The following MYO15B variants were observed in gnomAD, a reference collection of about 807,000 sequenced individuals.
The protein encoded by MYO15B is myosin XVB pseudogene.
MYO15B carries 207 observed loss-of-function variants against 119.3 expected under a neutral mutation model. The observed-to-expected ratio is 1.73, with a 90% CI of 1.55 to 1.95. The LOEUF (loss-of-function observed/expected upper bound fraction) is 1.95. Among genes scored for constraint, MYO15B ranks in the 30% most tolerant of loss-of-function variants. The pLI is 0.00. For missense variants in MYO15B, 2,264 were observed against 1,203.1 expected (o/e 1.88, Z -13.04); for synonymous variants, 966 against 498.9 (o/e 1.94, Z -12.48).
At chr17:75,626,057 G>A (rs1305212597) in intron 62 of MYO15B, 31 bp from the exon 63 acceptor site, 1 of 699,436 alleles carries the variant, frequency 1.4e-6, no homozygotes. Flanking sequence ...TCCCCGGAGA[G>A]GAGACCAGCC....
chr17:75,616,854 C>A lies in MYO15B; in HGVS notation c.6507-20C>A, dbSNP rs1465424003. On this transcript the variant is annotated intron_variant, in intron 39 of 63. Transcript: ENST00000645453. ...GGGAATCACCCTATGAACTTAGTGA[C>A]CTCTTGCTTCTCCCACGAGGCCTCC... The A allele has an allele frequency of 1.4e-6, 1 of 703,056 alleles. No homozygotes were observed. The highest frequency in any genetic ancestry group is 2.6e-6 in the Non-Finnish European group (1 of 385,016). The allele number at this position is 703,056 out of a possible 1,614,324, so 43.6% of individuals were successfully genotyped here.
intron 14 of MYO15B, among the ~76,000 whole-genome samples, chr17:75,598,060 A>G (rs2056984728): frequency 1.3e-5 from 2 of 152,100 alleles, no homozygotes; most frequent in South Asian, 4.1e-4. Flanking sequence ...AATGTGGAGC[A>G]GGAGTTTCTG....
At chr17:75,588,320 C>T (rs1009061669) in exon 1 of MYO15B, 22 of 398,284 alleles carry the variant, frequency 5.5e-5, no homozygotes, top group African/African-American at 3.9e-4. Context: ...TCCCCGAAAG[C>T]CCAGGAGAGG....
Position 75,616,854 on chromosome 17 carries a change from C to T in MYO15B, c.6507-20C>T. The T allele has an allele frequency of 1.4e-6, 1 of 703,056 alleles. No individual in the cohort carries two copies. Among genetic ancestry groups the T allele is most frequent in the Non-Finnish European group, 2.6e-6 (1 of 385,016 alleles). 43.6% of individuals were successfully genotyped at this position (703,056 alleles called of 1,614,324 possible). ...GGGAATCACCCTATGAACTTAGTGACCTCTTGCTTCTCCCACGAGGCCTCC... is the reference window on the plus strand; with the variant it reads ...GGGAATCACCCTATGAACTTAGTGATCTCTTGCTTCTCCCACGAGGCCTCC... On this transcript the variant is annotated intron_variant, in intron 39 of 63. Coordinates refer to ENST00000645453, the Ensembl canonical transcript of MYO15B.
chr17:75,620,201 C>A (rs1385515780), intron 47 of MYO15B, 45 bp from the exon 48 acceptor site: 1 of 702,040 alleles, frequency 1.4e-6, no homozygotes, highest in Non-Finnish European at 2.6e-6. Flanking sequence ...GACAGGGAGG[C>A]ACAGGCAGAC....
chr17:75,594,645 A>G, intron 10 of MYO15B, 56 bp from the exon 11 acceptor site: 2 of 699,854 alleles, frequency 2.9e-6, no homozygotes, highest in Non-Finnish European at 5.2e-6. Context: ...CAGGCTGAGT[A>G]AGCACCATGA....
intron 12 of MYO15B, among the ~76,000 whole-genome samples, chr17:75,595,451 G>A (rs1274549532): frequency 6.6e-6 from 1 of 152,210 alleles, no homozygotes; most frequent in Non-Finnish European, 1.5e-5. Context: ...CAGAGCAGAG[G>A]CTCTGAGTGG....
intron 12 of MYO15B, chr17:75,595,181 C>CT: frequency 1.7e-6 from 1 of 597,820 alleles, no homozygotes; most frequent in Non-Finnish European, 3.0e-6. Context: ...GGGGCTGCCT[C>CT]TGAGGATTTA....
intron 5 of MYO15B, 93 bp from the exon 6 acceptor site, chr17:75,591,884 G>T (rs1030052118): frequency 4.5e-5 from 30 of 671,842 alleles, no homozygotes; most frequent in Non-Finnish European, 7.3e-5. Flanking sequence ...TTTCTGATGG[G>T]ACTGACGCCT....
In MYO15B at chr17:75,621,186, C is replaced by T; in HGVS notation, c.7871+10C>T. The T allele has an allele frequency of 1.5e-6, 1 of 684,638 alleles. No homozygotes were observed. The highest frequency in any genetic ancestry group is 2.7e-6 in the Non-Finnish European group (1 of 374,836). 42.4% of individuals were successfully genotyped at this position (684,638 alleles called of 1,614,324 possible). A position where few individuals can be genotyped will look rare whatever the true frequency, so the allele number is the denominator to read the frequency against. The stretch of plus-strand genomic sequence containing the variant: ...GGAGGTCCCAGGCCTTGTGAGTGCA[C>T]TGGGCCAACCCCTGTGCCTGTCTGT... On this transcript the variant is annotated intron_variant, in intron 50 of 63. Coordinates refer to ENST00000645453, the Ensembl canonical transcript of MYO15B.
rs2056543407 is a variant in MYO15B, at chr17:75,592,547, G to A, written c.2829+6G>A. ...CTTACTACTACCTCAACCAGGTCGG[G>A]GGAGCCCTTGTGGTGCGGCGGGGAG... On this transcript the variant is annotated splice_donor_region_variant and intron_variant, in intron 8 of 63. Transcript: ENST00000645453. 1.6e-6 allele frequency: 1 copy of A among 611,124 alleles called. No individual in the cohort carries two copies. Among genetic ancestry groups the A allele is most frequent in the Non-Finnish European group, 2.9e-6 (1 of 340,810 alleles). 37.9% of individuals were successfully genotyped at this position (611,124 alleles called of 1,614,324 possible).
intron 53 of MYO15B, 98 bp from the exon 54 acceptor site, chr17:75,623,683 C>A: frequency 1.5e-6 from 1 of 666,942 alleles, no homozygotes; most frequent in Non-Finnish European, 2.7e-6. Context: ...CATCTTGAGC[C>A]AGCCCCAGCC....
chr17:75,617,131 C>T, exon 41 of MYO15B: 4 of 683,892 alleles, frequency 5.8e-6, no homozygotes, highest in Non-Finnish European at 1.1e-5. Context: ...GCTGTGGCTC[C>T]TCGACCCAAG....
exon 49 of MYO15B, chr17:75,620,514 G>C (rs534672973): frequency 2.0e-5 from 14 of 702,698 alleles, no homozygotes; most frequent in African/African-American, 1.7e-4. Flanking sequence ...CTTTCCTGCC[G>C]ACATAGTGCA....
At chr17:75,615,987 G>A (rs2058348575) in intron 36 of MYO15B, 82 bp from the exon 37 acceptor site, 1 of 594,884 alleles carries the variant, frequency 1.7e-6, no homozygotes, top group Non-Finnish European at 3.0e-6. Flanking sequence ...AGAGGCTGCT[G>A]GCCCAGGACT....
chr17:75,623,159 C>T (rs1184584501), intron 53 of MYO15B, among the ~76,000 whole-genome samples: 1 of 151,900 alleles, frequency 6.6e-6, no homozygotes, highest in Non-Finnish European at 1.5e-5. Flanking sequence ...GGTGAAACCC[C>T]GTCTCTACTA....
exon 47 of MYO15B, chr17:75,619,987 G>A (rs1026001740): frequency 1.1e-5 from 8 of 702,530 alleles, no homozygotes; most frequent in Non-Finnish European, 2.1e-5. Flanking sequence ...CCATCGAGGC[G>A]CTGGTTGAGC....
At chr17:75,602,018 C>T (rs1172601201) in intron 15 of MYO15B, among the ~76,000 whole-genome samples, 1 of 152,026 alleles carries the variant, frequency 6.6e-6, no homozygotes, top group South Asian at 2.1e-4. Flanking sequence ...CAAGAAGCTG[C>T]ACGCGTGCCT....
Position 75,613,771 on chromosome 17 carries a change from A to G in MYO15B, c.5213A>G (p.Gln1738Arg), listed in dbSNP as rs534127291. The G allele has an allele frequency of 5.7e-6, 4 of 702,036 alleles. No individual in the cohort carries two copies. The East Asian group carries it at 1.1e-4, about 19-fold the overall frequency. The allele number at this position is 702,036 out of a possible 1,614,324, so 43.5% of individuals were successfully genotyped here. A position where few individuals can be genotyped will look rare whatever the true frequency, so the allele number is the denominator to read the frequency against. The change falls in exon 29 of 64, where the codon CAG becomes CGG. Residue 1738 changes from glutamine to arginine, a missense_variant. Coordinates refer to ENST00000645453, the Ensembl canonical transcript of MYO15B. Reference sequence around the variant, plus strand: ...GAGCAGCTGGCTGGGTGGATCCTGCAGAGCAGGTATGGGGACCGGGGATGG... The same window carrying G: ...GAGCAGCTGGCTGGGTGGATCCTGCGGAGCAGGTATGGGGACCGGGGATGG...
Sources: allele counts gnomAD v4.1 joint callset (sites outside exome capture counted in the v4.1 genomes callset), GRCh38; gene constraint gnomAD v4.1.1; transcripts MANE v1.5; gene names NCBI Gene and HGNC (gene_info 2026-07-23, HGNC 2026-07-21).